Variants in ADGRL3 observed in about 807,000 individuals in gnomAD.
ADGRL3 encodes adhesion G protein-coupled receptor L3.
ADGRL3 carries 62 observed loss-of-function variants against 153.5 expected under a neutral mutation model. The observed-to-expected ratio is 0.40, with a 90% CI of 0.33 to 0.50. The LOEUF (loss-of-function observed/expected upper bound fraction) is 0.50. ADGRL3 is among the 20% of genes least tolerant of loss of function. ADGRL3 has a pLI of 0.47. For missense variants in ADGRL3, 1,641 were observed against 1,859.4 expected (o/e 0.88, Z 2.16); for synonymous variants, 710 against 672.5 (o/e 1.06, Z -0.86).
intron 25 of ADGRL3, among the ~76,000 whole-genome samples, chr4:62,047,591 T>G (rs986538232): frequency 6.6e-6 from 1 of 152,164 alleles, no homozygotes; most frequent in Non-Finnish European, 1.5e-5. Context: ...CTTGGAAGCA[T>G]GTGAAACCTT....
intron 6 of ADGRL3, among the ~76,000 whole-genome samples, chr4:61,681,290 C>A (rs779839125): frequency 7.9e-5 from 12 of 152,142 alleles, no homozygotes; most frequent in Non-Finnish European, 1.8e-4. Context: ...ATCCTGCTGA[C>A]AAATTGTCTT....
chr4:61,434,399 CA>C (rs1030793656), intron 2 of ADGRL3, among the ~76,000 whole-genome samples: 1 of 152,024 alleles, frequency 6.6e-6, no homozygotes, highest in African/African-American at 2.4e-5. Context: ...GGGTGACTCA[CA>C]CTATGGATAT....
At chr4:61,913,802 A>G (rs2098733154) in intron 13 of ADGRL3, among the ~76,000 whole-genome samples, 1 of 152,190 alleles carries the variant, frequency 6.6e-6, no homozygotes, top group Non-Finnish European at 1.5e-5. Context: ...TCATAGCAAA[A>G]GGAATTGGAT....
intron 4 of ADGRL3, among the ~76,000 whole-genome samples, chr4:61,579,905 G>A (rs2098916494): frequency 6.6e-6 from 1 of 151,992 alleles, no homozygotes; most frequent in African/African-American, 2.4e-5. Flanking sequence ...AGTAGATGAT[G>A]GGTTATTTCT....
intron 13 of ADGRL3, among the ~76,000 whole-genome samples, chr4:61,915,553 G>A (rs894387218): frequency 3.3e-5 from 5 of 152,014 alleles, no homozygotes; most frequent in Admixed American, 1.3e-4. Flanking sequence ...AAAATTAATA[G>A]CAGTTTATTC....
At chr4:62,065,980 C>G (rs1344983317) in intron 25 of ADGRL3, among the ~76,000 whole-genome samples, 3 of 151,828 alleles carry the variant, frequency 2.0e-5, no homozygotes, top group Non-Finnish European at 2.9e-5. Context: ...GTCTTTTATT[C>G]CAGTAAATTC....
chr4:61,400,290 T>G (rs991306685), intron 2 of ADGRL3, among the ~76,000 whole-genome samples: 1 of 151,900 alleles, frequency 6.6e-6, no homozygotes, highest in Non-Finnish European at 1.5e-5. Flanking sequence ...TGTCACAGTT[T>G]CATTTATTAC....
At chr4:61,545,494 C>A (rs2098709202) in intron 4 of ADGRL3, among the ~76,000 whole-genome samples, 1 of 152,156 alleles carries the variant, frequency 6.6e-6, no homozygotes. Context: ...ATTTCCTCCG[C>A]CTCAGGGAGC....
chr4:61,347,912 T>G (rs1226656714), intron 1 of ADGRL3, among the ~76,000 whole-genome samples: 1 of 152,104 alleles, frequency 6.6e-6, no homozygotes, highest in Non-Finnish European at 1.5e-5. Context: ...AAAGACTATA[T>G]TCACATTTTT....
At chr4:61,871,241 GCA>G (rs2098443671) in intron 9 of ADGRL3, among the ~76,000 whole-genome samples, 2 of 150,906 alleles carry the variant, frequency 1.3e-5, no homozygotes, top group African/African-American at 4.9e-5. Flanking sequence ...TCGCACCACT[GCA>G]CTCCAGCCTG....
chr4:61,559,901 G>A (rs999732103), intron 4 of ADGRL3, among the ~76,000 whole-genome samples: 1 of 151,888 alleles, frequency 6.6e-6, no homozygotes, highest in South Asian at 2.1e-4. Context: ...CTGTGTGATC[G>A]TCACTCCCAG....
intron 9 of ADGRL3, among the ~76,000 whole-genome samples, chr4:61,820,038 G>T (rs1025281632): frequency 6.6e-6 from 1 of 151,718 alleles, no homozygotes; most frequent in African/African-American, 2.4e-5. Context: ...ATATTTTTAG[G>T]GAAAAAGTAT....
chr4:62,038,006 A>G (rs564132228), intron 24 of ADGRL3, 150 bp downstream of exon 24: 1 of 840,632 alleles, frequency 1.2e-6, no homozygotes, highest in Admixed American at 2.7e-5. Flanking sequence ...TCTGACAGAA[A>G]TGGAAGAAAC....
chr4:61,404,373 ATGTTTTCC>A (rs1440453723), intron 2 of ADGRL3, among the ~76,000 whole-genome samples: 1 of 152,078 alleles, frequency 6.6e-6, no homozygotes, highest in Non-Finnish European at 1.5e-5. Context: ...TTTTGGGAGC[ATGTTTTCC>A]TGTTTAGTTA....
chr4:61,928,678 C>T (rs867447514), intron 13 of ADGRL3, among the ~76,000 whole-genome samples: 1 of 152,032 alleles, frequency 6.6e-6, no homozygotes, highest in Non-Finnish European at 1.5e-5. Flanking sequence ...CTACAATAAC[C>T]TGTGGTTCAG....
chr4:61,535,350 G>A (rs1005862544), intron 4 of ADGRL3, among the ~76,000 whole-genome samples: 1 of 151,944 alleles, frequency 6.6e-6, no homozygotes, highest in African/African-American at 2.4e-5. Flanking sequence ...CTAGTATTTT[G>A]TTGAGGATTT....
chr4:61,738,113 G>C (rs915549114), intron 8 of ADGRL3, among the ~76,000 whole-genome samples: 1 of 151,868 alleles, frequency 6.6e-6, no homozygotes, highest in Non-Finnish European at 1.5e-5. Context: ...AAAGTCCACT[G>C]TATCATTCTT....
intron 8 of ADGRL3, chr4:61,775,753 C>T (rs892145294): frequency 2.5e-5 from 22 of 880,448 alleles, no homozygotes; most frequent in Non-Finnish European, 4.1e-5. Context: ...ATGAATTCCA[C>T]GTGCTAGGCA....
At chr4:61,938,674 G>C (rs2098850719) in intron 15 of ADGRL3, among the ~76,000 whole-genome samples, 1 of 151,892 alleles carries the variant, frequency 6.6e-6, no homozygotes, top group African/African-American at 2.4e-5. Context: ...CTGCTTCTTT[G>C]TGTCACTAGC....
Sources: allele counts gnomAD v4.1 joint callset (sites outside exome capture counted in the v4.1 genomes callset), GRCh38; gene constraint gnomAD v4.1.1; transcripts MANE v1.5; gene names NCBI Gene and HGNC (gene_info 2026-07-23, HGNC 2026-07-21).